The following SETX variants were observed in gnomAD, a reference collection of about 807,000 sequenced individuals.
The protein encoded by SETX is senataxin, also known as helicase senataxin.
A neutral mutation model predicts 227.2 loss-of-function variants in SETX; 90 were observed. The ratio of observed to expected loss-of-function variants is 0.40; its 90% CI spans 0.33 to 0.47. SETX has a LOEUF of 0.47. SETX is among the 20% of genes least tolerant of loss of function. The pLI is 0.91. For synonymous variants in SETX, 1,210 were observed against 1,113.2 expected (o/e 1.09, Z -1.73); for missense variants, 3,052 against 3,181.5 (o/e 0.96, Z 0.98).
intron 2 of SETX, among the ~76,000 whole-genome samples, chr9:132,351,843 T>G (rs1184168257): frequency 6.6e-6 from 1 of 152,212 alleles, no homozygotes; most frequent in South Asian, 2.1e-4. Context: ...CATTAGTGAA[T>G]GACAAATGGG....
rs1842505269 is a variant in SETX at position 132,263,977 on chromosome 9, C to T, written c.*262G>A. ...ATTCACTCCAGTCTGACCTCCTTGT[C>T]TATAGAAGACTAAGAGATCAACATT... On this transcript the variant is annotated 3_prime_UTR_variant, in exon 26 of 26. Coordinates refer to ENST00000224140, the MANE Select transcript of SETX (RefSeq NM_015046.7). The T allele has an allele frequency of 1.9e-6, 1 of 540,258 alleles. No individual in the cohort carries two copies. The highest frequency in any genetic ancestry group is 3.1e-5 in the Admixed American group (1 of 31,864). 33.5% of individuals were successfully genotyped at this position (540,258 alleles called of 1,614,324 possible). A position where few individuals can be genotyped will look rare whatever the true frequency, so the allele number is the denominator to read the frequency against.
At chr9:132,321,644 G>A (rs185195879) in intron 10 of SETX, among the ~76,000 whole-genome samples, 88 of 105,206 alleles carry the variant, frequency 8.4e-4, no homozygotes, top group East Asian at 6.2e-3. Context: ...GCAACAGAGC[G>A]ATACTGTCTC....
chr9:132,349,349 G>A lies in SETX; in HGVS notation c.80C>T (p.Ser27Phe), dbSNP rs374733340. 38 of 1,614,008 alleles carry A rather than the reference G, an allele frequency of 2.4e-5. No individual in the cohort carries two copies. Among genetic ancestry groups the A allele is most frequent in the Non-Finnish European group, 3.2e-5 (38 of 1,180,040 alleles). ...FLKRYASNTP[S>F]GEFQTADEDL... The stretch of plus-strand genomic sequence containing the variant: ...TTCGTCGGCTGTTTGAAATTCACCG[G>A]ACGGAGTGTTGGAAGCATAGCGCTT... The change falls in exon 3 of 26, where the codon TCC becomes TTC. Residue 27 changes from serine to phenylalanine, a missense_variant. Around this residue, in one of 10 missense-constraint regions of SETX, gnomAD observed 152 missense variants for 156.2 expected, o/e 0.97. Transcript: ENST00000224140.
At position 132,326,888 on chromosome 9, in the gene SETX, T is replaced by C. The variant is rs1335584986; in HGVS notation, c.4710A>G (p.Glu1570=). The C allele has an allele frequency of 6.2e-7, 1 of 1,614,214 alleles. No homozygotes were observed. The highest frequency in any genetic ancestry group is 1.1e-5 in the South Asian group (1 of 91,078). The part of the protein sequence containing the change: ...NQGEYCPKHS[E]VKAADEDVFR... ...ATACATCTTCATCTGCTGCTTTCAC[T>C]TCAGAGTGTTTTGGGCAGTATTCAC... The change falls in exon 10 of 26, where the codon GAA becomes GAG. Residue 1570 remains glutamate, a synonymous_variant. Transcript: ENST00000224140.
At chr9:132,312,914 C>G (rs1183863251) in intron 10 of SETX, among the ~76,000 whole-genome samples, 1 of 152,124 alleles carries the variant, frequency 6.6e-6, no homozygotes, top group Non-Finnish European at 1.5e-5. Flanking sequence ...CAATAAAAAG[C>G]CATGGCCTAT....
intron 17 of SETX, 127 bp downstream of exon 17, chr9:132,288,109 G>T: frequency 2.7e-6 from 2 of 733,874 alleles, no homozygotes. Flanking sequence ...CCAGGAAGGT[G>T]AGGCTGCAGT....
At chr9:132,268,398 G>A (rs930040115) in intron 25 of SETX, among the ~76,000 whole-genome samples, 1 of 152,214 alleles carries the variant, frequency 6.6e-6, no homozygotes, top group Non-Finnish European at 1.5e-5. Flanking sequence ...CTACTCAGGA[G>A]GCTGAGGTGG....
At chr9:132,287,097 T>C (rs12349203) in intron 17 of SETX, among the ~76,000 whole-genome samples, 3 of 152,174 alleles carry the variant, frequency 2.0e-5, no homozygotes, top group African/African-American at 7.2e-5. Context: ...CTAATTCCCT[T>C]TCTGTCTAAC....
rs142559083 is a variant in SETX at position 132,345,196 on chromosome 9, C to T, written c.388+1065G>A. Among the ~76,000 whole-genome samples, 50 of 152,302 alleles carry T rather than the reference C, an allele frequency of 3.3e-4. 1 individual carries two copies. The East Asian group carries it at 9.6e-3, about 29-fold the overall frequency. ...ATCCTACAATGGACGGCACAGCCCA[C>T]AGCAAAGGATTATCCAAAATGTCAC... On this transcript the variant is annotated intron_variant, in intron 4 of 25. Transcript: ENST00000224140.
At chr9:132,348,327 C>T (rs1848410505) in intron 3 of SETX, among the ~76,000 whole-genome samples, 1 of 143,652 alleles carries the variant, frequency 7.0e-6, no homozygotes, top group South Asian at 2.3e-4. Flanking sequence ...CACGCCACTG[C>T]ACTCCAGCCT....
Position 132,341,968 on chromosome 9 carries a change from A to G in SETX, c.498+722T>C, listed in dbSNP as rs562563497. Among the ~76,000 whole-genome samples the G allele has an allele frequency of 2.0e-5, 3 of 152,084 alleles. No individual in the cohort carries two copies. In the East Asian group the frequency reaches 5.8e-4, roughly 29 times the overall value. The stretch of plus-strand genomic sequence containing the variant: ...CCTCCTTTTGCTTTTTTTTAATATC[A>G]TTGGTATGTGTTTGGCCCAGAGGAA... On this transcript the variant is annotated intron_variant, in intron 5 of 25. Coordinates refer to ENST00000224140, the MANE Select transcript of SETX (RefSeq NM_015046.7).
intron 18 of SETX, among the ~76,000 whole-genome samples, chr9:132,285,136 C>G (rs1451926655): frequency 6.6e-6 from 1 of 152,092 alleles, no homozygotes; most frequent in East Asian, 1.9e-4. Flanking sequence ...CTCGGCCTCC[C>G]AAAGTGCTGG....
chr9:132,283,204 T>C, intron 19 of SETX, 60 bp downstream of exon 19: 3 of 1,603,956 alleles, frequency 1.9e-6, no homozygotes, highest in Non-Finnish European at 1.7e-6. Flanking sequence ...CAGCCACAAT[T>C]CATCTAAGAC....
intron 19 of SETX, 121 bp from the exon 20 acceptor site, chr9:132,281,695 A>C: frequency 1.3e-6 from 1 of 757,166 alleles, no homozygotes; most frequent in Non-Finnish European, 2.3e-6. Context: ...ACCAAATATC[A>C]AAAATACAAA....
At chr9:132,320,474 A>G (rs1846249832) in intron 10 of SETX, among the ~76,000 whole-genome samples, 1 of 151,820 alleles carries the variant, frequency 6.6e-6, no homozygotes, top group Non-Finnish European at 1.5e-5. Context: ...GGCGCCTGTA[A>G]TCCCAGCTAC....
intron 12 of SETX, among the ~76,000 whole-genome samples, chr9:132,298,858 T>C (rs757904936): frequency 1.3e-5 from 2 of 152,188 alleles, no homozygotes; most frequent in Non-Finnish European, 2.9e-5. Flanking sequence ...ATCACAGTAA[T>C]GACTCTGAAC....
rs950496984 is a variant in SETX at position 132,326,459 on chromosome 9, A to G, written c.5139T>C (p.Phe1713=). The G allele has an allele frequency of 1.9e-6, 3 of 1,614,230 alleles. No individual in the cohort carries two copies. Among genetic ancestry groups the G allele is most frequent in the South Asian group, 2.2e-5 (2 of 91,088 alleles). The change falls in exon 10 of 26, where the codon TTT becomes TTC. Residue 1713 remains phenylalanine (F), a synonymous_variant. Transcript: ENST00000224140. ...KEVLKWKYEM[F]LNFGQCGPPA... Reference sequence around the variant, plus strand: ...GGGGCCCACACTGACCAAAGTTCAAAAACATTTCATATTTCCATTTTAAGA... The same window carrying G: ...GGGGCCCACACTGACCAAAGTTCAAGAACATTTCATATTTCCATTTTAAGA...
At chr9:132,356,388 G>C (rs948299103), upstream of SETX, among the ~76,000 whole-genome samples, 3 of 152,072 alleles carry the variant, frequency 2.0e-5, no homozygotes, top group Non-Finnish European at 4.4e-5. Flanking sequence ...TTTTAGTAGA[G>C]ATGGGGTTTC....
chr9:132,270,540 C>T (rs551336802), intron 24 of SETX, among the ~76,000 whole-genome samples: 8 of 152,324 alleles, frequency 5.3e-5, no homozygotes, highest in East Asian at 1.9e-4. Context: ...TACAGGGTAC[C>T]GGGCACAGAA....
Sources: allele counts gnomAD v4.1 joint callset (sites outside exome capture counted in the v4.1 genomes callset), GRCh38; gene constraint gnomAD v4.1.1; regional missense constraint gnomAD v4.1.1; transcripts MANE v1.5; gene names NCBI Gene and HGNC (gene_info 2026-07-23, HGNC 2026-07-21).